TSHZ2: variants seen among roughly 807,000 people sequenced by gnomAD.
The protein encoded by TSHZ2 is teashirt homolog 2.
Under a neutral mutation model 74.4 loss-of-function variants are expected in TSHZ2, and 21 were observed. The ratio of observed to expected loss-of-function variants is 0.28; its 90% confidence interval spans 0.20 to 0.41. The LOEUF is 0.41. Ranked by LOEUF, TSHZ2 falls within the 10% of genes least tolerant of loss-of-function variation. TSHZ2 has a pLI of 1.00. For synonymous variants in TSHZ2, 540 were observed against 515.3 expected (o/e 1.05, Z -0.65); for missense variants, 1,244 against 1,293.5 (o/e 0.96, Z 0.59).
At chr20:53,076,917 T>A (rs1197409253) in intron 1 of TSHZ2, among the ~76,000 whole-genome samples, 1 of 152,218 alleles carries the variant, frequency 6.6e-6, no homozygotes, top group Admixed American at 6.5e-5. Context: ...AACAAGACCC[T>A]GATGTGCAGT....
intron 1 of TSHZ2, among the ~76,000 whole-genome samples, chr20:53,066,583 C>CTG (rs1984996259): frequency 6.6e-6 from 1 of 152,148 alleles, no homozygotes; most frequent in African/African-American, 2.4e-5. Flanking sequence ...CAGTGGCTCA[C>CTG]TGCAACCTCC....
chr20:53,211,260 C>T (rs919094693), intron 1 of TSHZ2, among the ~76,000 whole-genome samples: 2 of 152,106 alleles, frequency 1.3e-5, no homozygotes, highest in South Asian at 2.1e-4. Context: ...TTCCCAAGAT[C>T]GGCGTTTAAA....
intron 2 of TSHZ2, among the ~76,000 whole-genome samples, chr20:53,463,380 G>A (rs534714556): frequency 1.5e-5 from 1 of 68,616 alleles, no homozygotes; most frequent in African/African-American, 6.2e-5. Flanking sequence ...CAGAGAGAGA[G>A]AGGAAGGAAG....
intron 1 of TSHZ2, among the ~76,000 whole-genome samples, chr20:53,162,194 A>T (rs940196370): frequency 6.6e-6 from 1 of 152,012 alleles, no homozygotes; most frequent in Non-Finnish European, 1.5e-5. Flanking sequence ...AATAAAAGAG[A>T]CTCGCCTCAA....
rs1383089111 is a variant in TSHZ2 at position 53,074,674 on chromosome 20, A to G, written c.40+101341A>G. On this transcript the variant is annotated intron_variant, in intron 1 of 2. Transcript: ENST00000371497. This position sits in a 1 kb window ranked among gnomAD's most constrained non-coding sequence, Gnocchi z 5.9. The stretch of plus-strand genomic sequence containing the variant: ...ATTAAGAAAAGGCTACTTGGAAACT[A>G]TAGATACTAATTATTTTTAACTATA... Among the ~76,000 whole-genome samples, 1 of 152,232 alleles carries G rather than the reference A, an allele frequency of 6.6e-6. No homozygotes were observed. The highest frequency in any genetic ancestry group is 6.5e-5 in the Admixed American group (1 of 15,286).
At chr20:53,278,760 T>C (rs750711531) in intron 2 of TSHZ2, among the ~76,000 whole-genome samples, 2 of 152,216 alleles carry the variant, frequency 1.3e-5, no homozygotes, top group African/African-American at 4.8e-5. Context: ...GAGTCATCAA[T>C]TTCTTTCTAC....
chr20:53,396,679 T>G (rs1982459766), intron 2 of TSHZ2, among the ~76,000 whole-genome samples: 2 of 151,860 alleles, frequency 1.3e-5, no homozygotes, highest in African/African-American at 4.8e-5. Context: ...AAACCCCATC[T>G]CTACAAAAAA....
intron 1 of TSHZ2, among the ~76,000 whole-genome samples, chr20:53,250,512 C>G (rs1223739550): frequency 6.6e-6 from 1 of 152,076 alleles, no homozygotes; most frequent in Non-Finnish European, 1.5e-5. Context: ...CCTTGGAACC[C>G]TCAGCCATTG....
intron 1 of TSHZ2, among the ~76,000 whole-genome samples, chr20:53,166,281 T>TG (rs1242403101): frequency 2.0e-5 from 3 of 152,150 alleles, no homozygotes; most frequent in Non-Finnish European, 4.4e-5. Context: ...GAAAACCAAC[T>TG]GGGTAAGAAA....
At chr20:53,058,446 A>T (rs1327485946) in intron 1 of TSHZ2, among the ~76,000 whole-genome samples, 2 of 152,244 alleles carry the variant, frequency 1.3e-5, no homozygotes, top group Non-Finnish European at 2.9e-5. Flanking sequence ...GGCCTGATGC[A>T]AAATGAAAAG....
chr20:53,227,935 C>T (rs558790481), intron 1 of TSHZ2, among the ~76,000 whole-genome samples: 171 of 151,110 alleles, frequency 1.1e-3, no homozygotes, highest in Admixed American at 1.8e-3. Context: ...AAAGTTTTAC[C>T]ACGGTATACT....
intron 1 of TSHZ2, among the ~76,000 whole-genome samples, chr20:53,046,812 A>G (rs1419928787): frequency 6.6e-6 from 1 of 152,168 alleles, no homozygotes. Context: ...TGCTAATACT[A>G]ACCTGTGGTG....
chr20:53,237,883 C>T (rs2031756312), intron 1 of TSHZ2, among the ~76,000 whole-genome samples: 1 of 152,126 alleles, frequency 6.6e-6, no homozygotes, highest in African/African-American at 2.4e-5. Flanking sequence ...AGCACTGCAA[C>T]CGTACTCGAG....
intron 2 of TSHZ2, among the ~76,000 whole-genome samples, chr20:53,259,310 C>A (rs1600773804): frequency 6.6e-6 from 1 of 152,196 alleles, no homozygotes; most frequent in East Asian, 1.9e-4. Flanking sequence ...TCTGAATTTT[C>A]TTTCCTTTAC....
At chr20:53,282,368 G>A (rs1236231585) in intron 2 of TSHZ2, among the ~76,000 whole-genome samples, 1 of 152,218 alleles carries the variant, frequency 6.6e-6, no homozygotes, top group African/African-American at 2.4e-5. Flanking sequence ...CTCTGGCTTA[G>A]CCTTTCATAT....
intron 1 of TSHZ2, among the ~76,000 whole-genome samples, chr20:53,086,660 C>T (rs1376591802): frequency 6.6e-6 from 1 of 152,154 alleles, no homozygotes; most frequent in Non-Finnish European, 1.5e-5. Context: ...TTCATCCTAA[C>T]AATTATTTAT....
intron 1 of TSHZ2, among the ~76,000 whole-genome samples, chr20:52,986,014 A>G (rs528135698): frequency 2.0e-5 from 3 of 152,270 alleles, no homozygotes; most frequent in South Asian, 2.1e-4. Flanking sequence ...ATAATAGCCT[A>G]TTTTTAACAC....
chr20:53,049,779 T>C (rs575846588), intron 1 of TSHZ2, among the ~76,000 whole-genome samples: 27 of 151,944 alleles, frequency 1.8e-4, no homozygotes, highest in African/African-American at 6.5e-4. Context: ...AAAGCAGCAT[T>C]TGAATCAATA....
At chr20:53,476,077 G>A (rs1369117447) in intron 2 of TSHZ2, among the ~76,000 whole-genome samples, 8 of 141,684 alleles carry the variant, frequency 5.6e-5, no homozygotes, top group Non-Finnish European at 9.2e-5. Context: ...TTCTACCAGA[G>A]GTACAAGGAG....
Sources: allele counts gnomAD v4.1 joint callset (sites outside exome capture counted in the v4.1 genomes callset), GRCh38; gene constraint gnomAD v4.1.1; non-coding constraint Gnocchi (gnomAD v3.1); transcripts MANE v1.5; gene names NCBI Gene and HGNC (gene_info 2026-07-23, HGNC 2026-07-21).